Variants in PCDHGA1 observed in about 807,000 individuals in gnomAD.
The protein encoded by PCDHGA1 is protocadherin gamma-A1.
PCDHGA1 carries 32 observed loss-of-function variants against 58.0 expected under a neutral mutation model. The observed-to-expected ratio is 0.55, with a 90% CI of 0.42 to 0.74. The LOEUF is 0.74. Among genes scored for constraint, PCDHGA1 ranks in the 30% least tolerant of loss-of-function variants. PCDHGA1 has a pLI of 0.00. For missense variants in PCDHGA1, 1,205 were observed against 1,182.3 expected (o/e 1.02, Z -0.28); for synonymous variants, 498 against 501.1 (o/e 0.99, Z 0.08).
chr5:141,351,049 C>T, intron 1 of PCDHGA1: 1 of 1,614,058 alleles, frequency 6.2e-7, no homozygotes, highest in Non-Finnish European at 8.5e-7. Context: ...GGGTGATGGC[C>T]ACAGACCAGG....
intron 2 of PCDHGA1, among the ~76,000 whole-genome samples, chr5:141,505,026 G>A (rs190826538): frequency 4.6e-5 from 7 of 152,316 alleles, no homozygotes; most frequent in African/African-American, 1.7e-4. Context: ...GCCTGGCACA[G>A]TGGCAGGTGC....
At position 141,374,269 on chromosome 5, in the gene PCDHGA1, C is replaced by T. The variant is rs372510702; in HGVS notation, c.2421+41164C>T. The stretch of plus-strand genomic sequence containing the variant: ...TGGAGCCCCAGGAGTTGGCGGAGCA[C>T]GGAGTCCGCATCGTCTCCAGAGGTA... On this transcript the variant is annotated intron_variant, in intron 1 of 3. Transcript: ENST00000517417. 9.5e-5 allele frequency: 154 copies of T among 1,614,002 alleles called. No homozygotes were observed. In the African/African-American group the frequency reaches 1.8e-3, roughly 19 times the overall value.
At position 141,424,135 on chromosome 5, in the gene PCDHGA1, G is replaced by A. The variant is rs572224199; in HGVS notation, c.2422-70672G>A. 1.1e-4 allele frequency: 47 copies of A among 431,606 alleles called. No individual in the cohort carries two copies. The South Asian group carries it at 4.6e-3, about 43-fold the overall frequency. The allele number at this position is 431,606 out of a possible 1,614,324, so 26.7% of individuals were successfully genotyped here. On this transcript the variant is annotated intron_variant, in intron 1 of 3. Coordinates refer to ENST00000517417, the MANE Select transcript of PCDHGA1 (RefSeq NM_018912.3). The stretch of plus-strand genomic sequence containing the variant: ...AAATTTTGATCCTGTTGATTTAATA[G>A]CATGCTCCCTCTAGCTCTCCTTCTC...
At chr5:141,461,007 A>G (rs965754689) in intron 1 of PCDHGA1, among the ~76,000 whole-genome samples, 1 of 151,418 alleles carries the variant, frequency 6.6e-6, no homozygotes, top group Non-Finnish European at 1.5e-5. Flanking sequence ...GTGTATATAT[A>G]TATACCACAT....
In PCDHGA1 at chr5:141,485,556, A is replaced by T; in HGVS notation, c.2422-9251A>T. On this transcript the variant is annotated intron_variant, in intron 1 of 3. Coordinates refer to ENST00000517417, the MANE Select transcript of PCDHGA1 (RefSeq NM_018912.3). This position sits in a 1 kb window ranked among gnomAD's most constrained non-coding sequence, Gnocchi z 5.7. ...GAGGTAGAGATCGTAGATGTGAATG[A>T]TCACGCCCCCCGTTTTCCGCGGCAG... is the stretch of plus-strand genomic sequence containing the variant. The T allele has an allele frequency of 6.2e-7, 1 of 1,613,664 alleles. No homozygotes were observed. Among genetic ancestry groups the T allele is most frequent in the Non-Finnish European group, 8.5e-7 (1 of 1,179,644 alleles).
At position 141,330,514 on chromosome 5, in the gene PCDHGA1, G is replaced by C. The variant is rs186678355; in HGVS notation, c.-171G>C. On this transcript the variant is annotated 5_prime_UTR_variant, in exon 1 of 4. Coordinates refer to ENST00000517417, the MANE Select transcript of PCDHGA1 (RefSeq NM_018912.3). Reference sequence around the variant, plus strand: ...AAGAAAAAAGCTCTCGTGCCTCTTAGAACCTCCATAACCGCCAGATTGAAA... The same window carrying C: ...AAGAAAAAAGCTCTCGTGCCTCTTACAACCTCCATAACCGCCAGATTGAAA... 1.7e-6 allele frequency: 1 copy of C among 605,838 alleles called. No homozygotes were observed. Among genetic ancestry groups the C allele is most frequent in the Admixed American group, 3.3e-5 (1 of 30,220 alleles). The allele number at this position is 605,838 out of a possible 1,614,324, so 37.5% of individuals were successfully genotyped here. A position where few individuals can be genotyped will look rare whatever the true frequency, so the allele number is the denominator to read the frequency against.
chr5:141,336,877 C>T (rs1176115150), intron 1 of PCDHGA1, among the ~76,000 whole-genome samples: 1 of 152,086 alleles, frequency 6.6e-6, no homozygotes, highest in Non-Finnish European at 1.5e-5. Flanking sequence ...AAAATGTTTC[C>T]AAATCATGTA....
intron 1 of PCDHGA1, among the ~76,000 whole-genome samples, chr5:141,359,848 T>C (rs1199292010): frequency 6.6e-6 from 1 of 152,126 alleles, no homozygotes; most frequent in Non-Finnish European, 1.5e-5. Flanking sequence ...ATGAAGACTT[T>C]ATAAATTAAA....
chr5:141,349,051 G>C (rs538909066), intron 1 of PCDHGA1, among the ~76,000 whole-genome samples: 3 of 151,964 alleles, frequency 2.0e-5, no homozygotes, highest in Non-Finnish European at 2.9e-5. Context: ...GGTATAAGTC[G>C]GCTGGAGCTG....
Position 141,478,910 on chromosome 5 carries a change from A to G in PCDHGA1, c.2422-15897A>G, listed in dbSNP as rs568573298. On this transcript the variant is annotated intron_variant, in intron 1 of 3. Transcript: ENST00000517417. ...ATTTACATTAGGAATAAGCTGCTGG[A>G]TACCTCTAACCAGTGGCAGCTTCTA... 5.3e-4 allele frequency: 474 copies of G among 893,806 alleles called. 7 individuals are homozygous for G. The South Asian group carries it at 6.8e-3, about 13-fold the overall frequency. 55.4% of individuals were successfully genotyped at this position (893,806 alleles called of 1,614,324 possible).
At chr5:141,373,965 G>T in intron 1 of PCDHGA1, 2 of 971,546 alleles carry the variant, frequency 2.1e-6, no homozygotes, top group East Asian at 2.9e-5. Context: ...GACCTGAAAC[G>T]CTTCGCATCC....
At chr5:141,421,318 C>A (rs370020854) in intron 1 of PCDHGA1, 1 of 1,613,822 alleles carries the variant, frequency 6.2e-7, no homozygotes. Context: ...CCGGGCCAGG[C>A]AGATCCGATA....
intron 1 of PCDHGA1, among the ~76,000 whole-genome samples, chr5:141,465,017 C>T (rs1278815002): frequency 6.6e-6 from 1 of 152,132 alleles, no homozygotes; most frequent in Non-Finnish European, 1.5e-5. Context: ...GCTAAGATTA[C>T]AGCCATGAAC....
chr5:141,351,305 T>G, intron 1 of PCDHGA1: 1 of 1,613,884 alleles, frequency 6.2e-7, no homozygotes, highest in Non-Finnish European at 8.5e-7. Flanking sequence ...CATGTCCTTC[T>G]CTAACCAGAT....
At chr5:141,451,060 C>T (rs1241509553) in intron 1 of PCDHGA1, among the ~76,000 whole-genome samples, 1 of 151,562 alleles carries the variant, frequency 6.6e-6, no homozygotes, top group African/African-American at 2.4e-5. Context: ...GAACTCCTGA[C>T]CTTGTGATCC....
At position 141,365,321 on chromosome 5, in the gene PCDHGA1, G is replaced by T. The variant is rs552296703; in HGVS notation, c.2421+32216G>T. ...GGATGGAGGCGCTCTTGTTGCCAGC[G>T]CTAAGGTGGTGGTCACAGTACAGGA... On this transcript the variant is annotated intron_variant, in intron 1 of 3. Transcript: ENST00000517417. 6.8e-6 allele frequency: 11 copies of T among 1,613,946 alleles called. No homozygotes were observed. In the African/African-American group the frequency reaches 1.3e-4, roughly 20 times the overall value.
chr5:141,365,789 G>A (rs200109132), intron 1 of PCDHGA1: 1 of 1,613,778 alleles, frequency 6.2e-7, no homozygotes, highest in African/African-American at 1.3e-5. Flanking sequence ...CAACGCTCGA[G>A]TCACCTACTC....
chr5:141,414,568 A>G (rs1349020199), intron 1 of PCDHGA1: 2 of 1,613,914 alleles, frequency 1.2e-6, no homozygotes, highest in South Asian at 1.1e-5. Context: ...CTTTACCTAT[A>G]TCCCAGAGAA....
intron 1 of PCDHGA1, chr5:141,393,668 T>C (rs1048580916): frequency 6.2e-7 from 1 of 1,613,872 alleles, no homozygotes. Context: ...GGAAAATTAA[T>C]GAAAAACAAA....
Sources: allele counts gnomAD v4.1 joint callset (sites outside exome capture counted in the v4.1 genomes callset), GRCh38; gene constraint gnomAD v4.1.1; non-coding constraint Gnocchi (gnomAD v3.1); transcripts MANE v1.5; gene names NCBI Gene and HGNC (gene_info 2026-07-23, HGNC 2026-07-21).